Variants in PRKAR1B observed in about 807,000 individuals in gnomAD.
The protein encoded by PRKAR1B is cAMP-dependent protein kinase type I-beta regulatory subunit.
A neutral mutation model predicts 46.5 loss-of-function variants in PRKAR1B; 22 were observed. The observed-to-expected ratio is 0.47, with a 90% CI of 0.34 to 0.68. PRKAR1B has a LOEUF of 0.68. PRKAR1B is among the 30% of genes least tolerant of loss of function. The probability of loss-of-function intolerance (pLI) is 0.01; values close to 1 mark genes in which losing one functional copy is unlikely to be tolerated. For synonymous variants in PRKAR1B, 259 were observed against 217.7 expected (o/e 1.19, Z -1.67); for missense variants, 445 against 535.6 (o/e 0.83, Z 1.67).
At chr7:728,661 G>A (rs115289978), upstream of PRKAR1B, among the ~76,000 whole-genome samples, 141 of 152,268 alleles carry the variant, frequency 9.3e-4, no homozygotes, top group African/African-American at 3.3e-3. Flanking sequence ...TCAGCCCCAC[G>A]AGCTCCCTCC....
At position 550,413 on chromosome 7, in the gene PRKAR1B, C is replaced by A. The variant is rs182460899; in HGVS notation, c.*17G>T. On this transcript the variant is annotated 3_prime_UTR_variant, in exon 11 of 11. Transcript: ENST00000537384. Reference sequence around the variant, plus strand: ...CCACCACACTGGGGAGCTGGGGCTGCAGGGCGGGAGCTGTGCTCAGACGGT... The same window carrying A: ...CCACCACACTGGGGAGCTGGGGCTGAAGGGCGGGAGCTGTGCTCAGACGGT... 41 of 1,576,518 alleles carry A rather than the reference C, an allele frequency of 2.6e-5. No homozygotes were observed. Among genetic ancestry groups the A allele is most frequent in the Non-Finnish European group, 3.5e-5 (41 of 1,161,446 alleles).
chr7:605,569 C>A (rs1349120925), intron 6 of PRKAR1B, among the ~76,000 whole-genome samples: 1 of 152,230 alleles, frequency 6.6e-6, no homozygotes, highest in Admixed American at 6.5e-5. Context: ...CATACACATA[C>A]ACATGGCCTG....
intron 9 of PRKAR1B, among the ~76,000 whole-genome samples, chr7:561,646 C>T (rs954535125): frequency 1.5e-4 from 23 of 152,216 alleles, no homozygotes; most frequent in Admixed American, 9.8e-4. Context: ...AACTGATGTA[C>T]GTCACACACC....
intron 6 of PRKAR1B, among the ~76,000 whole-genome samples, chr7:605,343 G>C (rs1387156983): frequency 6.6e-6 from 1 of 152,220 alleles, no homozygotes; most frequent in African/African-American, 2.4e-5. Context: ...AGGTCAGGCT[G>C]CCGTGCGGGG....
At chr7:627,694 G>A (rs922400422) in intron 4 of PRKAR1B, among the ~76,000 whole-genome samples, 7 of 152,088 alleles carry the variant, frequency 4.6e-5, no homozygotes, top group African/African-American at 1.4e-4. Flanking sequence ...GCAGGGGCTC[G>A]GGCGCTCTCC....
At chr7:646,220 C>T (rs187410882) in intron 4 of PRKAR1B, among the ~76,000 whole-genome samples, 130 of 152,244 alleles carry the variant, frequency 8.5e-4, no homozygotes, top group African/African-American at 2.8e-3. Context: ...ATTTTTGAAT[C>T]TACTGTAGAG....
In PRKAR1B at chr7:554,398, ACTTT is replaced by A. The variant is rs372897649; in HGVS notation, c.892-2932_892-2929del. Among the ~76,000 whole-genome samples the A allele has an allele frequency of 1.4e-4, 22 of 152,264 alleles. No individual in the cohort carries two copies. In the East Asian group the frequency reaches 3.1e-3, roughly 21 times the overall value. Reference sequence around the variant, plus strand: ...TGCTCCCTTTGTGGCCATTTTTAACACTTTCTGTTTCACAGCTGGGATTATTTTC... The same window carrying A: ...TGCTCCCTTTGTGGCCATTTTTAACACTGTTTCACAGCTGGGATTATTTTC... On this transcript the variant is annotated intron_variant, in intron 9 of 10. Transcript: ENST00000537384.
intron 3 of PRKAR1B, among the ~76,000 whole-genome samples, 162 bp downstream of exon 3, chr7:680,394 C>A (rs545523204): frequency 5.3e-5 from 8 of 152,272 alleles, no homozygotes; most frequent in Non-Finnish European, 8.8e-5. Flanking sequence ...CCAAGCCCAC[C>A]CAGAACTGCC....
chr7:708,516 T>G (rs1225359238), intron 2 of PRKAR1B, among the ~76,000 whole-genome samples: 4 of 152,228 alleles, frequency 2.6e-5, no homozygotes, highest in Non-Finnish European at 4.4e-5. Flanking sequence ...TGAGACAGAC[T>G]CTCGCTCTGT....
chr7:588,440 AGTGGTGATGGTGATGGTGATG>A (rs1189854489), intron 7 of PRKAR1B, among the ~76,000 whole-genome samples: 3 of 130,018 alleles, frequency 2.3e-5, no homozygotes, highest in Non-Finnish European at 5.1e-5. Context: ...GGATAGTGAC[AGTGGTGATGGTGATGGTGATG>A]GTGGTGATGG....
rs538007613 is a variant in PRKAR1B, at chr7:551,543, C to G, written c.892-73G>C. The G allele has an allele frequency of 7.0e-5, 101 of 1,443,916 alleles. No individual in the cohort carries two copies. In the African/African-American group the frequency reaches 1.3e-3, roughly 18 times the overall value. The allele number at this position is 1,443,916 out of a possible 1,614,324, so 89.4% of individuals were successfully genotyped here. A position where few individuals can be genotyped will look rare whatever the true frequency, so the allele number is the denominator to read the frequency against. On this transcript the variant is annotated intron_variant, in intron 9 of 10. Coordinates refer to ENST00000537384, the MANE Select transcript of PRKAR1B (RefSeq NM_001164760.2). Reference sequence around the variant, plus strand: ...GGTGGGACACACGTGAGGGGTCACCCCACAGGGGGTCACCACCCAAACCCC... The same window carrying G: ...GGTGGGACACACGTGAGGGGTCACCGCACAGGGGGTCACCACCCAAACCCC...
intron 4 of PRKAR1B, among the ~76,000 whole-genome samples, chr7:631,748 TC>T (rs1458626102): frequency 2.0e-5 from 3 of 151,500 alleles, no homozygotes; most frequent in African/African-American, 7.3e-5. Context: ...GCCCAGGAGT[TC>T]CAGACCAGCC....
At position 667,711 on chromosome 7, in the gene PRKAR1B, G is replaced by C. The variant is rs998591602; in HGVS notation, c.440+9518C>G. Among the ~76,000 whole-genome samples, 1 of 152,158 alleles carries C rather than the reference G, an allele frequency of 6.6e-6. No homozygotes were observed. Among genetic ancestry groups the C allele is most frequent in the Non-Finnish European group, 1.5e-5 (1 of 68,032 alleles). On this transcript the variant is annotated intron_variant, in intron 4 of 10. Coordinates refer to ENST00000537384, the MANE Select transcript of PRKAR1B (RefSeq NM_001164760.2). This position sits in a 1 kb window ranked among gnomAD's most constrained non-coding sequence, Gnocchi z 4.3. ...CACAGGCTTAGGTGCCCAAGAACTC[G>C]AGCTCAAACCCTAGCTCTGCTCCTG...
At chr7:680,764 C>T (rs374993838) in intron 2 of PRKAR1B, 38 bp from the exon 3 acceptor site, 2 of 1,612,020 alleles carry the variant, frequency 1.2e-6, no homozygotes, top group East Asian at 4.5e-5. Flanking sequence ...GAAGTAAGAA[C>T]CTGGCTGTCC....
chr7:595,392 C>A (rs940962639), intron 7 of PRKAR1B, among the ~76,000 whole-genome samples: 1 of 152,216 alleles, frequency 6.6e-6, no homozygotes, highest in Non-Finnish European at 1.5e-5. Context: ...ACAGGAATCA[C>A]CCTCTGGGGC....
intron 4 of PRKAR1B, among the ~76,000 whole-genome samples, chr7:660,642 C>T (rs1404493640): frequency 1.5e-5 from 2 of 129,220 alleles, no homozygotes; most frequent in Non-Finnish European, 3.3e-5. Flanking sequence ...GTCCCCACCC[C>T]AACAGATCCA....
At chr7:691,832 C>G in intron 2 of PRKAR1B, 2 of 1,178,034 alleles carry the variant, frequency 1.7e-6, no homozygotes, top group Non-Finnish European at 2.1e-6. Flanking sequence ...GCCAAGTAAA[C>G]ACCTCATCAC....
At chr7:718,903 G>A (rs547426369) in intron 1 of PRKAR1B, among the ~76,000 whole-genome samples, 5 of 121,974 alleles carry the variant, frequency 4.1e-5, no homozygotes, top group African/African-American at 6.4e-5. Context: ...ATAAGGTCTC[G>A]CTCTGTCATC....
chr7:723,274 C>G (rs1781135769), intron 1 of PRKAR1B, among the ~76,000 whole-genome samples: 1 of 152,232 alleles, frequency 6.6e-6, no homozygotes, highest in Admixed American at 6.5e-5. Flanking sequence ...AAGGTGGCAG[C>G]TACCCTCTAG....
Sources: allele counts gnomAD v4.1 joint callset (sites outside exome capture counted in the v4.1 genomes callset), GRCh38; gene constraint gnomAD v4.1.1; non-coding constraint Gnocchi (gnomAD v3.1); transcripts MANE v1.5; gene names NCBI Gene and HGNC (gene_info 2026-07-23, HGNC 2026-07-21).